Variants in MSI2 observed in about 807,000 individuals in gnomAD.
The protein encoded by MSI2 is musashi RNA binding protein 2.
MSI2 carries 17 observed loss-of-function variants against 45.6 expected under a neutral mutation model. The observed-to-expected ratio is 0.37, with a 90% CI of 0.26 to 0.56. The LOEUF is 0.56. Ranked by LOEUF, MSI2 falls within the 20% of genes least tolerant of loss-of-function variation. MSI2 has a pLI of 0.77. For synonymous variants in MSI2, 156 were observed against 158.2 expected (o/e 0.99, Z 0.11); for missense variants, 293 against 444.2 (o/e 0.66, Z 3.06).
chr17:57,589,993 C>G (rs1904671171), intron 7 of MSI2, among the ~76,000 whole-genome samples: 1 of 152,196 alleles, frequency 6.6e-6, no homozygotes, highest in East Asian at 1.9e-4. Context: ...TGGAAGCAAC[C>G]CATGAATATT....
chr17:57,333,235 T>G (rs1222599350), intron 5 of MSI2, among the ~76,000 whole-genome samples: 2 of 152,126 alleles, frequency 1.3e-5, no homozygotes, highest in South Asian at 4.1e-4. Flanking sequence ...CCAAAGACCC[T>G]GGGAAAGGTG....
chr17:57,385,434 A>G (rs2083668786), intron 5 of MSI2, among the ~76,000 whole-genome samples: 1 of 152,122 alleles, frequency 6.6e-6, no homozygotes, highest in Non-Finnish European at 1.5e-5. Context: ...TCTTCCTGAA[A>G]AACTTCTGCT....
intron 7 of MSI2, among the ~76,000 whole-genome samples, chr17:57,561,980 T>G (rs1167946474): frequency 6.6e-6 from 1 of 152,224 alleles, no homozygotes; most frequent in Non-Finnish European, 1.5e-5. Context: ...TATAAGCTAC[T>G]TAACCTCTCT....
intron 10 of MSI2, among the ~76,000 whole-genome samples, chr17:57,633,855 T>A (rs1468888758): frequency 6.6e-6 from 1 of 152,224 alleles, no homozygotes; most frequent in Non-Finnish European, 1.5e-5. Flanking sequence ...ATGTTCTTAC[T>A]AAGTCAGCTC....
At chr17:57,605,241 T>C (rs1906419499) in intron 8 of MSI2, among the ~76,000 whole-genome samples, 1 of 152,156 alleles carries the variant, frequency 6.6e-6, no homozygotes, top group South Asian at 2.1e-4. Context: ...CACATGCTGT[T>C]TGTGTACAGG....
At position 57,659,044 on chromosome 17, in the gene MSI2, GT is replaced by G. The variant is rs571416283; in HGVS notation, c.790+6893del. 6.2e-4 allele frequency among the ~76,000 whole-genome samples: 92 copies of G among 147,768 alleles called. 3 individuals are homozygous for G. In the South Asian group the frequency reaches 0.018, roughly 30 times the overall value. On this transcript the variant is annotated intron_variant, in intron 11 of 13. Transcript: ENST00000284073. ...TCATGGTTGCTTGTGTTTTGCAGAG[GT>G]TTTTTTTTTATTTGGTTGGTTGGTT...
intron 5 of MSI2, among the ~76,000 whole-genome samples, chr17:57,274,849 A>G (rs1368095681): frequency 6.6e-6 from 1 of 152,170 alleles, no homozygotes; most frequent in Non-Finnish European, 1.5e-5. Context: ...GACTTTAGGA[A>G]GGTGTTCCAG....
chr17:57,258,083 A>C (rs1413095859), intron 3 of MSI2, among the ~76,000 whole-genome samples, 187 bp from the exon 4 acceptor site: 1 of 151,996 alleles, frequency 6.6e-6, no homozygotes, highest in Non-Finnish European at 1.5e-5. Flanking sequence ...TTCCCCCGTT[A>C]ACCTTGATGT....
chr17:57,503,095 T>C (rs1037718223), intron 6 of MSI2, among the ~76,000 whole-genome samples: 1 of 152,202 alleles, frequency 6.6e-6, no homozygotes, highest in Non-Finnish European at 1.5e-5. Flanking sequence ...GTCTGTTCCA[T>C]TGATTGTCCC....
intron 10 of MSI2, among the ~76,000 whole-genome samples, chr17:57,636,674 G>A (rs1013247396): frequency 3.3e-5 from 5 of 152,172 alleles, no homozygotes; most frequent in African/African-American, 4.8e-5. Flanking sequence ...TCATTTTCCT[G>A]TAAGTTGAAA....
chr17:57,690,083 A>G, the MSI2 span, among the ~76,000 whole-genome samples: 94,200 of 151,534 alleles, frequency 0.62, 29,640 homozygotes, highest in African/African-American at 0.71. Context: ...AATATTTTGC[A>G]TTACCACTAG....
At chr17:57,437,160 G>C (rs531755734) in intron 6 of MSI2, among the ~76,000 whole-genome samples, 1 of 152,192 alleles carries the variant, frequency 6.6e-6, no homozygotes, top group Non-Finnish European at 1.5e-5. Flanking sequence ...TTTATCAATC[G>C]TGATGCATAT....
At chr17:57,700,668 C>T in the MSI2 span, among the ~76,000 whole-genome samples, 1 of 152,052 alleles carries the variant, frequency 6.6e-6, no homozygotes, top group East Asian at 1.9e-4. Flanking sequence ...TTTGGGAGGC[C>T]AAGGCAGGCA....
intron 11 of MSI2, among the ~76,000 whole-genome samples, chr17:57,670,704 G>GT (rs984417970): frequency 6.6e-6 from 1 of 152,108 alleles, no homozygotes; most frequent in African/African-American, 2.4e-5. Flanking sequence ...GATAAATTGG[G>GT]TTTTTTGTCA....
chr17:57,684,958 A>T (rs180670596), downstream of MSI2, among the ~76,000 whole-genome samples: 41 of 152,254 alleles, frequency 2.7e-4, no homozygotes, highest in African/African-American at 9.1e-4. Context: ...CACAGAACCC[A>T]TGAGTGGACA....
intron 7 of MSI2, among the ~76,000 whole-genome samples, chr17:57,575,151 T>TCCCCC (rs898555784): frequency 2.0e-4 from 23 of 114,428 alleles, no homozygotes; most frequent in East Asian, 5.9e-4. Context: ...TTTAACTCCC[T>TCCCCC]CCCCCCGCCA....
At chr17:57,273,650 T>A (rs1230708832) in intron 5 of MSI2, among the ~76,000 whole-genome samples, 3 of 152,168 alleles carry the variant, frequency 2.0e-5, no homozygotes, top group African/African-American at 7.2e-5. Context: ...GCCATCGCCT[T>A]AGCATGTTGT....
At chr17:57,269,883 A>T (rs1409745930) in intron 5 of MSI2, among the ~76,000 whole-genome samples, 3 of 152,080 alleles carry the variant, frequency 2.0e-5, no homozygotes, top group African/African-American at 4.8e-5. Context: ...TGGAATCATG[A>T]TCTCTGCTTT....
At chr17:57,548,057 GAAGA>G (rs1362298157) in intron 7 of MSI2, among the ~76,000 whole-genome samples, 1 of 152,166 alleles carries the variant, frequency 6.6e-6, no homozygotes, top group Non-Finnish European at 1.5e-5. Context: ...CCCCAACAGG[GAAGA>G]GAGATCCCAT....
Sources: allele counts gnomAD v4.1 joint callset (sites outside exome capture counted in the v4.1 genomes callset), GRCh38; gene constraint gnomAD v4.1.1; transcripts MANE v1.5; gene names NCBI Gene and HGNC (gene_info 2026-07-23, HGNC 2026-07-21).